Variants in ITGB6 observed in about 807,000 individuals in gnomAD.
ITGB6 encodes the protein integrin beta-6.
In ITGB6, 80 loss-of-function variants were observed where a neutral mutation model predicts 84.5. That is an observed-to-expected ratio of 0.95 (90% CI 0.79 to 1.14). The LOEUF (loss-of-function observed/expected upper bound fraction) is 1.14. Ranked by LOEUF, ITGB6 falls within the 50% of genes most tolerant of loss-of-function variation. ITGB6 has a pLI of 0.00. For synonymous variants in ITGB6, 383 were observed against 354.9 expected (o/e 1.08, Z -0.89); for missense variants, 1,006 against 968.0 (o/e 1.04, Z -0.52).
At chr2:160,128,388 A>C (rs1315325703) in intron 10 of ITGB6, among the ~76,000 whole-genome samples, 1 of 152,144 alleles carries the variant, frequency 6.6e-6, no homozygotes, top group Non-Finnish European at 1.5e-5. Flanking sequence ...GGAGTGTGGC[A>C]GGTGGGGAAA....
intron 10 of ITGB6, 89 bp downstream of exon 10, chr2:160,137,345 G>T: frequency 3.3e-6 from 4 of 1,225,126 alleles, no homozygotes; most frequent in Non-Finnish European, 4.6e-6. Context: ...CACCTACTGT[G>T]CCCAGGAAAC....
intron 10 of ITGB6, among the ~76,000 whole-genome samples, chr2:160,133,372 A>C (rs192966292): frequency 6.6e-6 from 1 of 152,300 alleles, no homozygotes; most frequent in East Asian, 1.9e-4. Flanking sequence ...TCCTAAATTT[A>C]TACGCACCCA....
rs929869107 is a variant in ITGB6, at chr2:160,100,046, G to A, written c.*1690C>T. On this transcript the variant is annotated 3_prime_UTR_variant, in exon 15 of 15. Coordinates refer to ENST00000283249, the MANE Select transcript of ITGB6 (RefSeq NM_000888.5). ...AGTCAGGAACATAAAGGGTATATCA[G>A]CCCTTCGGATTTTCAAGGTGATTTT... The A allele has an allele frequency of 2.0e-5, 3 of 152,184 alleles. No individual in the cohort carries two copies. The highest frequency in any genetic ancestry group is 1.9e-4 in the East Asian group (1 of 5,200). The allele number at this position is 152,184 out of a possible 1,614,324, so 9.4% of individuals were successfully genotyped here.
intron 14 of ITGB6, among the ~76,000 whole-genome samples, chr2:160,105,742 T>C (rs1696881278): frequency 1.3e-5 from 2 of 152,212 alleles, no homozygotes; most frequent in African/African-American, 2.4e-5. Context: ...AAGGCATTTG[T>C]TGGAGAGTTG....
chr2:160,167,701 T>C (rs576432037), intron 7 of ITGB6, among the ~76,000 whole-genome samples: 1 of 152,364 alleles, frequency 6.6e-6, no homozygotes, highest in South Asian at 2.1e-4. Context: ...TGCCATGTAG[T>C]TATTTTTCAT....
At chr2:160,141,960 A>G in intron 8 of ITGB6, 22 bp downstream of exon 8, 2 of 1,477,664 alleles carry the variant, frequency 1.4e-6, no homozygotes, top group Non-Finnish European at 1.9e-6. Flanking sequence ...GCAAAAAAGA[A>G]GCCAGCTGTA....
Position 160,196,421 on chromosome 2 carries a change from C to T in ITGB6, c.142-1G>A. 1 of 1,590,812 alleles carries T rather than the reference C, an allele frequency of 6.3e-7. No individual in the cohort carries two copies. Among genetic ancestry groups the T allele is most frequent in the South Asian group, 1.2e-5 (1 of 86,716 alleles). On this transcript the variant is annotated splice_acceptor_variant, in intron 2 of 14. Coordinates refer to ENST00000283249, the MANE Select transcript of ITGB6 (RefSeq NM_000888.5). LOFTEE classifies it high-confidence loss of function. ...CAACTCCAGATGGATGAGTAAAATT[C>T]TAAAAAAGAAAAAGAAAAACAATAA... is the stretch of plus-strand genomic sequence containing the variant.
At chr2:160,121,675 A>T (rs1683046528) in intron 12 of ITGB6, among the ~76,000 whole-genome samples, 1 of 151,674 alleles carries the variant, frequency 6.6e-6, no homozygotes, top group African/African-American at 2.4e-5. Flanking sequence ...AGTCCCAGGT[A>T]CTCATGAGGC....
intron 10 of ITGB6, among the ~76,000 whole-genome samples, chr2:160,133,936 G>A (rs1266201990): frequency 2.6e-5 from 4 of 151,966 alleles, no homozygotes; most frequent in South Asian, 2.1e-4. Context: ...CACACTAAAT[G>A]ACCACAAGAG....
At chr2:160,161,167 G>C (rs1292757605) in intron 7 of ITGB6, among the ~76,000 whole-genome samples, 1 of 152,144 alleles carries the variant, frequency 6.6e-6, no homozygotes, top group Non-Finnish European at 1.5e-5. Context: ...TTTTAAAGTA[G>C]ACACCTATAA....
intron 4 of ITGB6, among the ~76,000 whole-genome samples, chr2:160,179,218 C>T (rs529796456): frequency 2.0e-5 from 3 of 151,506 alleles, no homozygotes. Flanking sequence ...GTATTAATAT[C>T]GTCTTTTCCT....
At chr2:160,130,229 T>A (rs570329650) in intron 10 of ITGB6, among the ~76,000 whole-genome samples, 1 of 152,268 alleles carries the variant, frequency 6.6e-6, no homozygotes, top group Non-Finnish European at 1.5e-5. Flanking sequence ...TACAGTATTA[T>A]AAAATTATGG....
rs559124641 is a variant in ITGB6 at position 160,136,631 on chromosome 2, G to A, written c.1660+803C>T. On this transcript the variant is annotated intron_variant, in intron 10 of 14. Coordinates refer to ENST00000283249, the MANE Select transcript of ITGB6 (RefSeq NM_000888.5). ...GTTTATTGCGGCACTATTCACAATA[G>A]CAAAGACTTGGAACCAACCCAAATG... Among the ~76,000 whole-genome samples the A allele has an allele frequency of 2.3e-3, 345 of 152,310 alleles. 1 individual carries two copies. The highest frequency in any genetic ancestry group is 7.8e-3 in the African/African-American group (323 of 41,562).
chr2:160,122,587 C>T (rs1340107568), intron 12 of ITGB6, among the ~76,000 whole-genome samples: 1 of 152,164 alleles, frequency 6.6e-6, no homozygotes, highest in Non-Finnish European at 1.5e-5. Flanking sequence ...GCTGTCTGCT[C>T]AGTGCTTTCA....
chr2:160,148,870 C>A (rs1158740820), intron 7 of ITGB6, among the ~76,000 whole-genome samples: 2 of 152,238 alleles, frequency 1.3e-5, no homozygotes, highest in African/African-American at 4.8e-5. Flanking sequence ...TGAGATCGAT[C>A]TGCGAGACAG....
chr2:160,118,051 C>G (rs920573606), intron 12 of ITGB6, among the ~76,000 whole-genome samples: 1 of 152,084 alleles, frequency 6.6e-6, no homozygotes, highest in Non-Finnish European at 1.5e-5. Flanking sequence ...AAGTCCAGGA[C>G]CAGATGGATT....
chr2:160,148,376 C>T (rs1029699156), intron 7 of ITGB6, among the ~76,000 whole-genome samples: 1 of 152,140 alleles, frequency 6.6e-6, no homozygotes, highest in Non-Finnish European at 1.5e-5. Flanking sequence ...AATGATGCAG[C>T]CACTACAAAA....
chr2:160,181,773 C>T (rs1685687129), intron 4 of ITGB6, among the ~76,000 whole-genome samples: 1 of 152,160 alleles, frequency 6.6e-6, no homozygotes, highest in African/African-American at 2.4e-5. Flanking sequence ...CCCTCTGGGC[C>T]AAAGCTTCCA....
chr2:160,132,898 C>T (rs1339328620), intron 10 of ITGB6, among the ~76,000 whole-genome samples: 1 of 152,014 alleles, frequency 6.6e-6, no homozygotes. Context: ...TTCCTGTAGG[C>T]TTTTTCACAC....
Sources: allele counts gnomAD v4.1 joint callset (sites outside exome capture counted in the v4.1 genomes callset), GRCh38; gene constraint gnomAD v4.1.1; transcripts MANE v1.5; gene names NCBI Gene and HGNC (gene_info 2026-07-23, HGNC 2026-07-21).